DPYSL5: variants seen among roughly 807,000 people sequenced by gnomAD.
The protein encoded by DPYSL5 is dihydropyrimidinase-related protein 5.
A neutral mutation model predicts 58.4 loss-of-function variants in DPYSL5; 9 were observed. That is an observed-to-expected ratio of 0.15 (90% CI 0.09 to 0.27). DPYSL5 has a LOEUF of 0.27. Ranked by LOEUF, DPYSL5 falls within the 10% of genes least tolerant of loss-of-function variation. The probability of loss-of-function intolerance (pLI) is 1.00; values close to 1 mark genes in which losing one functional copy is unlikely to be tolerated. For missense variants in DPYSL5, 499 were observed against 770.6 expected, an observed-to-expected ratio of 0.65 and a Z score of 4.17; for synonymous variants, 293 against 301.9, an observed-to-expected ratio of 0.97 and a Z score of 0.31.
chr2:26,900,646 A>C (rs1461465593), intron 2 of DPYSL5, among the ~76,000 whole-genome samples: 1 of 152,184 alleles, frequency 6.6e-6, no homozygotes, highest in Non-Finnish European at 1.5e-5. Context: ...GTTCAGCTTT[A>C]ATAGGTAATG....
At chr2:26,928,704 T>TATATATACACACACACACACACACACAC in intron 5 of DPYSL5, among the ~76,000 whole-genome samples, 3 of 62,950 alleles carry the variant, frequency 4.8e-5, no homozygotes, top group Non-Finnish European at 9.9e-5. Flanking sequence ...TATATATATA[T>TATATATACACACACACACACACACACAC]ACACACACAC....
At chr2:26,908,392 C>T (rs1158569465) in intron 2 of DPYSL5, among the ~76,000 whole-genome samples, 3 of 152,242 alleles carry the variant, frequency 2.0e-5, no homozygotes, top group Non-Finnish European at 4.4e-5. Context: ...ATAAACTCTG[C>T]AGGCATCAGG....
At position 26,924,953 on chromosome 2, in the gene DPYSL5, G is replaced by A. The variant is rs992893470; in HGVS notation, c.328G>A (p.Val110Met). Residue 110 changes from valine (V) to methionine (M), a missense_variant, in exon 3 of 13, where the codon GTG becomes ATG. Physicochemically the swap from Val to Met is conservative, Grantham distance 21. This residue lies in a region of DPYSL5 where 404 missense variants were observed against 647.6 expected (regional missense o/e 0.62). Transcript: ENST00000288699. This position sits in a 1 kb window ranked among gnomAD's most constrained non-coding sequence, Gnocchi z 4.7. ...CCTGCCCGACAAGGAGACCTCCCTTGTGGACGCTTATGAGAAGTGCCGAGG... is the reference window on the plus strand; with the variant it reads ...CCTGCCCGACAAGGAGACCTCCCTTATGGACGCTTATGAGAAGTGCCGAGG... Reference protein sequence around the residue: ...HVLPDKETSLVDAYEKCRGLA... With the variant: ...HVLPDKETSLMDAYEKCRGLA... 3 of 1,614,064 alleles carry A rather than the reference G, an allele frequency of 1.9e-6. No individual in the cohort carries two copies. The highest frequency in any genetic ancestry group is 1.7e-5 in the Admixed American group (1 of 60,000).
At chr2:26,881,646 G>A (rs1485147443) in intron 1 of DPYSL5, among the ~76,000 whole-genome samples, 3 of 152,226 alleles carry the variant, frequency 2.0e-5, no homozygotes, top group Non-Finnish European at 2.9e-5. Context: ...TTGGCTTAAA[G>A]TCAGAGGCAG....
intron 1 of DPYSL5, among the ~76,000 whole-genome samples, chr2:26,875,555 G>A (rs1395949434): frequency 6.6e-6 from 1 of 152,212 alleles, no homozygotes; most frequent in Non-Finnish European, 1.5e-5. Flanking sequence ...TATCTGGCGT[G>A]GAGTCCTGGG....
At chr2:26,932,006 CAAAAAAA>C (rs70953833) in intron 6 of DPYSL5, among the ~76,000 whole-genome samples, 1 of 42,568 alleles carries the variant, frequency 2.3e-5, no homozygotes, top group African/African-American at 1.1e-4. Flanking sequence ...GAGACTCTGT[CAAAAAAA>C]AAAAAAAAAA....
intron 9 of DPYSL5, among the ~76,000 whole-genome samples, chr2:26,941,226 C>T (rs1302971120): frequency 1.3e-5 from 2 of 152,156 alleles, no homozygotes; most frequent in African/African-American, 4.8e-5. Context: ...GCATGAGCCA[C>T]TGCACCCGGC....
At chr2:26,932,891 G>T (rs1180636026) in intron 6 of DPYSL5, among the ~76,000 whole-genome samples, 1 of 152,176 alleles carries the variant, frequency 6.6e-6, no homozygotes, top group Non-Finnish European at 1.5e-5. Context: ...CTAACTCTAG[G>T]TCATCACGTT....
intron 5 of DPYSL5, 40 bp downstream of exon 5, chr2:26,928,363 T>C: frequency 2.5e-6 from 4 of 1,601,448 alleles, no homozygotes; most frequent in South Asian, 2.2e-5. Context: ...GCGTCTCTCA[T>C]GTAGATTGAC....
chr2:26,939,927 G>A, intron 8 of DPYSL5, 104 bp from the exon 9 acceptor site: 3 of 1,502,234 alleles, frequency 2.0e-6, no homozygotes, highest in Non-Finnish European at 2.7e-6. Context: ...ATTGGAGTCG[G>A]CTTTGCCTGC....
chr2:26,935,506 G>A (rs1665147492), intron 8 of DPYSL5, among the ~76,000 whole-genome samples: 1 of 151,974 alleles, frequency 6.6e-6, no homozygotes. Context: ...TGGCCAACGT[G>A]GTAAAACCCT....
At position 26,872,740 on chromosome 2, in the gene DPYSL5, T is replaced by C. The variant is rs144924255; in HGVS notation, c.-5+24486T>C. ...AGCTTTTATTGATGTTTACTCTATA[T>C]TAAAAATGGCGTGAGCCAAGATCAT... On this transcript the variant is annotated intron_variant, in intron 1 of 12. Coordinates refer to ENST00000288699, the MANE Select transcript of DPYSL5 (RefSeq NM_020134.4). 3.8e-4 allele frequency among the ~76,000 whole-genome samples: 58 copies of C among 151,860 alleles called. 1 individual carries two copies. The East Asian group carries it at 0.011, about 28-fold the overall frequency.
chr2:26,868,075 T>G (rs917667469), intron 1 of DPYSL5, among the ~76,000 whole-genome samples: 11 of 152,196 alleles, frequency 7.2e-5, no homozygotes, highest in Non-Finnish European at 1.5e-4. Flanking sequence ...TCATTGTTAC[T>G]TCCTGTATTT....
At position 26,940,185 on chromosome 2, in the gene DPYSL5, G is replaced by T; in HGVS notation, c.1089+13G>T. 1 of 1,613,284 alleles carries T rather than the reference G, an allele frequency of 6.2e-7. No individual in the cohort carries two copies. ...GGAGAGAGGAGTGGTATGTTTCCTA[G>T]AGCCCCGCCCCGATCTGATCCCTGC... On this transcript the variant is annotated intron_variant, in intron 9 of 12. Coordinates refer to ENST00000288699, the MANE Select transcript of DPYSL5 (RefSeq NM_020134.4).
chr2:26,940,993 A>G (rs1665308718), intron 9 of DPYSL5, among the ~76,000 whole-genome samples: 1 of 150,614 alleles, frequency 6.6e-6, no homozygotes, highest in South Asian at 2.1e-4. Flanking sequence ...CTGGAGTACA[A>G]TGGCGCTGTC....
intron 1 of DPYSL5, among the ~76,000 whole-genome samples, chr2:26,860,838 T>C (rs1274363329): frequency 6.6e-6 from 1 of 152,206 alleles, no homozygotes; most frequent in Non-Finnish European, 1.5e-5. Context: ...AAATATATAC[T>C]TAAATATGCA....
At chr2:26,851,735 G>C (rs1181586401) in intron 1 of DPYSL5, among the ~76,000 whole-genome samples, 1 of 152,114 alleles carries the variant, frequency 6.6e-6, no homozygotes, top group Non-Finnish European at 1.5e-5. Flanking sequence ...TTGAGGTCAG[G>C]AGTTCGAGAC....
In DPYSL5 at chr2:26,849,230, G is replaced by A. The variant is rs991285030; in HGVS notation, c.-5+976G>A. Among the ~76,000 whole-genome samples the A allele has an allele frequency of 8.4e-4, 128 of 152,108 alleles. 1 individual carries two copies. Among genetic ancestry groups the A allele is most frequent in the Middle Eastern group, 3.4e-3 (1 of 294 alleles). On this transcript the variant is annotated intron_variant, in intron 1 of 12. Coordinates refer to ENST00000288699, the MANE Select transcript of DPYSL5 (RefSeq NM_020134.4). The surrounding 1 kb of genome is among the most constrained non-coding windows in gnomAD (Gnocchi z 6.2). ...TGGTTCTGCTGAAGAATGGGGAGGG[G>A]AGGAGGGATGCAGGCGGGTGGAGGC...
chr2:26,865,525 GGACGGTCTT>G (rs1351508195), intron 1 of DPYSL5, among the ~76,000 whole-genome samples: 1 of 151,928 alleles, frequency 6.6e-6, no homozygotes, highest in African/African-American at 2.4e-5. Flanking sequence ...ATATTGACCA[GGACGGTCTT>G]GATCTCCTGA....
Sources: gnomAD v4.1 joint callset for allele counts (sites outside exome capture counted in the v4.1 genomes callset) on GRCh38, gnomAD v4.1.1 for gene constraint, gnomAD v4.1.1 regional missense constraint, Gnocchi (gnomAD v3.1) non-coding constraint, MANE v1.5 for transcripts, NCBI Gene and HGNC (gene_info 2026-07-23, HGNC 2026-07-21) for gene names.